Variants in RAI2 observed in about 807,000 individuals in gnomAD.
The protein encoded by RAI2 is retinoic acid induced 2.
A neutral mutation model predicts 15.3 loss-of-function variants in RAI2; 5 were observed. The observed-to-expected ratio is 0.33, with a 90% CI of 0.17 to 0.69. The LOEUF (loss-of-function observed/expected upper bound fraction) is 0.69. RAI2 is among the 30% of genes least tolerant of loss of function. RAI2 has a pLI of 0.69. For synonymous variants in RAI2, 191 were observed against 184.0 expected (o/e 1.04, Z -0.31); for missense variants, 424 against 424.7 (o/e 1.00, Z 0.01).
At chrX:17,852,822 G>A (rs985115151) in intron 1 of RAI2, among the ~76,000 whole-genome samples, 10 of 111,681 alleles carry the variant, frequency 9.0e-5, no homozygotes, top group African/African-American at 2.9e-4. Context: ...GGTGATGGGG[G>A]CTACCTGAAT....
At chrX:17,802,560 A>G (rs1238230458) in intron 1 of RAI2, among the ~76,000 whole-genome samples, 1 of 112,263 alleles carries the variant, frequency 8.9e-6, no homozygotes, top group Non-Finnish European at 1.9e-5. Context: ...TGATAAGCAC[A>G]AGGGTCATTA....
In RAI2 at chrX:17,818,510, G is replaced by GTT. The variant is rs5901633; in HGVS notation, c.-24-16478_-24-16477dup. On this transcript the variant is annotated intron_variant, in intron 1 of 1. Coordinates refer to ENST00000451717, the MANE Select transcript of RAI2 (RefSeq NM_021785.6). ...AGCACCAGGAATGCTAGAAATGTGT[G>GTT]TTTTTTTTTTAAGTGGTGAAATTGA... Among the ~76,000 whole-genome samples, 162 of 107,301 alleles carry GTT rather than the reference G, an allele frequency of 1.5e-3. 1 individual carries two copies. The highest frequency in any genetic ancestry group is 2.5e-3 in the South Asian group (6 of 2,441). 93.2% of individuals were successfully genotyped at this position (107,301 alleles called of 115,157 possible).
intron 1 of RAI2, among the ~76,000 whole-genome samples, chrX:17,805,278 A>G (rs907798495): frequency 8.9e-6 from 1 of 112,821 alleles, no homozygotes; most frequent in Admixed American, 9.3e-5. Flanking sequence ...ACAGTATGAG[A>G]GCATCACATT....
intron 1 of RAI2, chrX:17,837,457 G>A (rs983101263): frequency 8.9e-6 from 1 of 111,937 alleles, no homozygotes; most frequent in African/African-American, 3.3e-5. Flanking sequence ...GCTTCTAATG[G>A]GAAATCTTGG....
At chrX:17,829,643 T>C (rs1219121971) in intron 1 of RAI2, among the ~76,000 whole-genome samples, 1 of 112,674 alleles carries the variant, frequency 8.9e-6, no homozygotes, top group East Asian at 2.8e-4. Flanking sequence ...GAGGCTGCAT[T>C]TGCTTTTACA....
intron 1 of RAI2, among the ~76,000 whole-genome samples, chrX:17,835,009 A>T (rs189603103): frequency 1.8e-5 from 2 of 111,305 alleles, no homozygotes; most frequent in Non-Finnish European, 3.8e-5. Context: ...TCAGTGCCTC[A>T]TTTACTTTTC....
chrX:17,855,753 G>C (rs1415822441), intron 1 of RAI2, among the ~76,000 whole-genome samples: 1 of 111,232 alleles, frequency 9.0e-6, no homozygotes, highest in African/African-American at 3.3e-5. Flanking sequence ...TTTTTTTGTA[G>C]TCACATTTAA....
At chrX:17,835,678 A>G (rs916473835) in intron 1 of RAI2, among the ~76,000 whole-genome samples, 2 of 111,683 alleles carry the variant, frequency 1.8e-5, no homozygotes, top group African/African-American at 6.5e-5. Flanking sequence ...ATAGCTAATT[A>G]TATCCTACTG....
intron 1 of RAI2, among the ~76,000 whole-genome samples, chrX:17,849,236 C>A (rs1290115284): frequency 8.9e-6 from 1 of 112,472 alleles, no homozygotes; most frequent in African/African-American, 3.2e-5. Context: ...CGGAATGGTG[C>A]GGTGAAACAA....
chrX:17,853,548 T>C (rs1302359801), intron 1 of RAI2, among the ~76,000 whole-genome samples: 1 of 111,273 alleles, frequency 9.0e-6, no homozygotes, highest in Non-Finnish European at 1.9e-5. Context: ...GCTGAACATC[T>C]TAAGGTGCAT....
intron 1 of RAI2, among the ~76,000 whole-genome samples, chrX:17,842,604 T>C (rs1189319775): frequency 9.3e-6 from 1 of 107,187 alleles, no homozygotes; most frequent in Non-Finnish European, 1.9e-5. Context: ...CAAGAAGACT[T>C]TGAATTGTAA....
At chrX:17,849,226 C>G (rs765255032) in intron 1 of RAI2, among the ~76,000 whole-genome samples, 17 of 112,484 alleles carry the variant, frequency 1.5e-4, no homozygotes, top group Non-Finnish European at 2.6e-4. Context: ...AGCAGACAGA[C>G]GGAATGGTGC....
chrX:17,850,109 G>A (rs1350979941), intron 1 of RAI2, among the ~76,000 whole-genome samples: 1 of 112,045 alleles, frequency 8.9e-6, no homozygotes, highest in Non-Finnish European at 1.9e-5. Context: ...CAGGAGAAAT[G>A]GGCTGGGAAA....
At chrX:17,825,539 C>T (rs59802426) in intron 1 of RAI2, among the ~76,000 whole-genome samples, 2 of 112,444 alleles carry the variant, frequency 1.8e-5, no homozygotes, top group Non-Finnish European at 3.8e-5. Flanking sequence ...AGCCCTTGGC[C>T]TCAGCCAGCC....
chrX:17,841,387 G>A (rs2067395645), intron 1 of RAI2, among the ~76,000 whole-genome samples: 1 of 111,886 alleles, frequency 8.9e-6, no homozygotes, highest in South Asian at 3.8e-4. Context: ...CCTCACATGC[G>A]AACCAGTGAA....
At chrX:17,842,457 G>A (rs1158083990) in intron 1 of RAI2, among the ~76,000 whole-genome samples, 1 of 110,426 alleles carries the variant, frequency 9.1e-6, no homozygotes, top group African/African-American at 3.4e-5. Context: ...ACAGTCAGTA[G>A]AAGAAGAGAA....
intron 1 of RAI2, among the ~76,000 whole-genome samples, chrX:17,846,394 C>T (rs1015940352): frequency 4.5e-5 from 5 of 111,950 alleles, no homozygotes; most frequent in African/African-American, 1.6e-4. Flanking sequence ...AAACCCCTCT[C>T]CCCTAGCTGG....
chrX:17,852,275 T>C (rs1236029592), intron 1 of RAI2, among the ~76,000 whole-genome samples: 6 of 112,325 alleles, frequency 5.3e-5, no homozygotes, highest in Non-Finnish European at 1.1e-4. Context: ...AACTCACCAA[T>C]GAAGTGTCGC....
At position 17,800,704 on chromosome X, in the gene RAI2, G is replaced by A. The variant is rs1329887040; in HGVS notation, c.1307C>T (p.Ala436Val). The A allele has an allele frequency of 1.7e-6, 2 of 1,211,509 alleles. No homozygotes were observed. Among genetic ancestry groups the A allele is most frequent in the Non-Finnish European group, 2.2e-6 (2 of 895,500 alleles). Residue 436 changes from alanine to valine, a missense_variant, in exon 2 of 2, where the codon GCG becomes GTG. Transcript: ENST00000451717. Reference protein sequence around the residue: ...NNIEMVGESQAAKVIVSVEDA... With the variant: ...NNIEMVGESQVAKVIVSVEDA... ...TTCGACAGAGACAATGACCTTGGCCGCCTGGGACTCGCCCACCATCTCAAT... is the reference window on the plus strand; with the variant it reads ...TTCGACAGAGACAATGACCTTGGCCACCTGGGACTCGCCCACCATCTCAAT...
Sources: allele counts gnomAD v4.1 joint callset (sites outside exome capture counted in the v4.1 genomes callset), GRCh38; gene constraint gnomAD v4.1.1; transcripts MANE v1.5; gene names NCBI Gene and HGNC (gene_info 2026-07-23, HGNC 2026-07-21).